The following TMCO4 variants were observed in gnomAD, a reference collection of about 807,000 sequenced individuals.
The protein encoded by TMCO4 is transmembrane and coiled-coil domain-containing protein 4.
In TMCO4, 58 loss-of-function variants were observed where a neutral mutation model predicts 64.7. That is an observed-to-expected ratio of 0.90 (90% CI 0.73 to 1.12). The LOEUF (loss-of-function observed/expected upper bound fraction) is 1.12, where lower values mean the gene tolerates loss of function less well. TMCO4 is among the 50% of genes most tolerant of loss of function. The pLI is 0.00. For missense variants in TMCO4, 780 were observed against 825.9 expected (o/e 0.94, Z 0.68); for synonymous variants, 325 against 346.1 (o/e 0.94, Z 0.68).
At chr1:19,710,130 A>G (rs962600657) in intron 13 of TMCO4, among the ~76,000 whole-genome samples, 1 of 151,710 alleles carries the variant, frequency 6.6e-6, no homozygotes, top group Non-Finnish European at 1.5e-5. Context: ...TTTTGAGACC[A>G]GGTCTTGCTC....
chr1:19,728,745 G>A (rs935930899), intron 13 of TMCO4, among the ~76,000 whole-genome samples: 3 of 152,138 alleles, frequency 2.0e-5, no homozygotes, highest in Non-Finnish European at 2.9e-5. Context: ...CAACACTGGG[G>A]TTCTCACCCA....
intron 2 of TMCO4, among the ~76,000 whole-genome samples, chr1:19,789,000 G>A (rs957240960): frequency 7.3e-5 from 11 of 150,034 alleles, no homozygotes; most frequent in Admixed American, 6.6e-4. Context: ...GCGTGAACCC[G>A]GGAGGCGGAG....
At chr1:19,749,343 G>A (rs1363915392) in intron 7 of TMCO4, among the ~76,000 whole-genome samples, 1 of 152,016 alleles carries the variant, frequency 6.6e-6, no homozygotes, top group Non-Finnish European at 1.5e-5. Context: ...GGTGATATGT[G>A]TCACTTCTGG....
chr1:19,788,362 G>T (rs1034644701), intron 2 of TMCO4, among the ~76,000 whole-genome samples: 8 of 151,880 alleles, frequency 5.3e-5, no homozygotes, highest in African/African-American at 1.9e-4. Context: ...AATTTGTATC[G>T]CTTTTGAACT....
chr1:19,705,515 TA>T (rs1220644157), intron 13 of TMCO4, among the ~76,000 whole-genome samples: 2 of 147,458 alleles, frequency 1.4e-5, no homozygotes, highest in African/African-American at 5.0e-5. Context: ...GTCGATGAGA[TA>T]AAAAAATAAA....
intron 8 of TMCO4, 52 bp from the exon 9 acceptor site, chr1:19,746,651 G>A (rs767372025): frequency 1.2e-5 from 18 of 1,564,262 alleles, no homozygotes; most frequent in Admixed American, 1.8e-5. Flanking sequence ...GTGGCTGGAC[G>A]CGGTGGCTCA....
At chr1:19,737,833 G>A (rs1484275096) in intron 12 of TMCO4, among the ~76,000 whole-genome samples, 1 of 152,272 alleles carries the variant, frequency 6.6e-6, no homozygotes, top group Non-Finnish European at 1.5e-5. Context: ...CAGTGCTGCG[G>A]GACCCCTTCC....
At chr1:19,739,083 T>C (rs2095468240) in intron 12 of TMCO4, among the ~76,000 whole-genome samples, 1 of 152,180 alleles carries the variant, frequency 6.6e-6, no homozygotes, top group African/African-American at 2.4e-5. Context: ...TCCAGGAAAA[T>C]AAATTTCTAC....
At chr1:19,786,695 C>T (rs1272490953) in intron 3 of TMCO4, among the ~76,000 whole-genome samples, 2 of 152,110 alleles carry the variant, frequency 1.3e-5, no homozygotes, top group African/African-American at 4.8e-5. Context: ...CATGGAACCT[C>T]TTGGTACTAT....
intron 13 of TMCO4, among the ~76,000 whole-genome samples, chr1:19,708,342 C>T (rs1457636934): frequency 6.6e-6 from 1 of 151,174 alleles, no homozygotes; most frequent in African/African-American, 2.4e-5. Flanking sequence ...GGTGCTTTAC[C>T]ACTTGGTACC....
At chr1:19,702,269 G>A (rs910738315) in intron 13 of TMCO4, among the ~76,000 whole-genome samples, 12 of 125,236 alleles carry the variant, frequency 9.6e-5, no homozygotes, top group African/African-American at 3.1e-4. Flanking sequence ...GTGCCTGGCC[G>A]AGACTCTTGT....
chr1:19,788,163 C>T (rs1487142786), intron 2 of TMCO4, among the ~76,000 whole-genome samples: 3 of 152,202 alleles, frequency 2.0e-5, no homozygotes, highest in East Asian at 1.9e-4. Context: ...CTGGATGTTG[C>T]GTTCCTCCCC....
intron 10 of TMCO4, among the ~76,000 whole-genome samples, chr1:19,742,843 G>A (rs1227652887): frequency 2.0e-5 from 3 of 151,954 alleles, no homozygotes; most frequent in African/African-American, 7.3e-5. Flanking sequence ...TGAGGTGAAG[G>A]GATCAAGACC....
At position 19,694,452 on chromosome 1, in the gene TMCO4, G is replaced by C; in HGVS notation, c.1482C>G (p.Asn494Lys). 1.2e-6 allele frequency: 2 copies of C among 1,614,038 alleles called. No individual in the cohort carries two copies. The highest frequency in any genetic ancestry group is 8.5e-7 in the Non-Finnish European group (1 of 1,179,910). Residue 494 changes from asparagine (N) to lysine (K), a missense_variant, in exon 15 of 16, where the codon AAC becomes AAG. Asn to Lys is a moderately conservative substitution (Grantham distance 94). Coordinates refer to ENST00000294543, the MANE Select transcript of TMCO4 (RefSeq NM_181719.7). ...PVLLQDRRVENVDLTSVVSGH... is the reference protein window; with the variant it reads ...PVLLQDRRVEKVDLTSVVSGH... ...CACTCACCACAGAGGTCAGGTCCAC[G>C]TTCTCCACCCTCCTGTCCTGCAGCA...
At chr1:19,759,590 C>T (rs1045568983) in intron 6 of TMCO4, among the ~76,000 whole-genome samples, 1 of 152,220 alleles carries the variant, frequency 6.6e-6, no homozygotes, top group Non-Finnish European at 1.5e-5. Flanking sequence ...GCCAAGCTCA[C>T]GGCTGCCTCG....
At chr1:19,795,739 C>T (rs2044275617) in intron 2 of TMCO4, among the ~76,000 whole-genome samples, 1 of 152,128 alleles carries the variant, frequency 6.6e-6, no homozygotes, top group African/African-American at 2.4e-5. Flanking sequence ...CACGGGCAGC[C>T]ATCTTCACAA....
chr1:19,693,434 C>T (rs192307074), intron 15 of TMCO4, among the ~76,000 whole-genome samples: 67 of 152,192 alleles, frequency 4.4e-4, no homozygotes, highest in African/African-American at 1.6e-3. Flanking sequence ...AGTGAGCTCA[C>T]ACCATTGCAC....
intron 15 of TMCO4, among the ~76,000 whole-genome samples, chr1:19,686,619 T>C (rs2095151455): frequency 6.6e-6 from 1 of 152,202 alleles, no homozygotes; most frequent in African/African-American, 2.4e-5. Flanking sequence ...CACATCTAAG[T>C]GGTTTTCAGG....
chr1:19,758,249 A>G (rs999993160), intron 6 of TMCO4, among the ~76,000 whole-genome samples: 8 of 151,794 alleles, frequency 5.3e-5, no homozygotes, highest in African/African-American at 1.9e-4. Flanking sequence ...GCTGTCTCCC[A>G]GGATGAGGAG....
Sources: allele counts gnomAD v4.1 joint callset (sites outside exome capture counted in the v4.1 genomes callset), GRCh38; gene constraint gnomAD v4.1.1; transcripts MANE v1.5; gene names NCBI Gene and HGNC (gene_info 2026-07-23, HGNC 2026-07-21).